PPFIA2: variants seen among roughly 807,000 people sequenced by gnomAD.
PPFIA2 encodes the protein liprin-alpha-2.
In PPFIA2, 46 loss-of-function variants were observed where a neutral mutation model predicts 175.5. That is an observed-to-expected ratio of 0.26 (90% CI 0.21 to 0.34). PPFIA2 has a LOEUF of 0.34. Among genes scored for constraint, PPFIA2 ranks in the 10% least tolerant of loss-of-function variants. The pLI, the probability that PPFIA2 is intolerant of heterozygous loss-of-function variation, is 1.00. For missense variants in PPFIA2, 1,179 were observed against 1,506.1 expected (o/e 0.78, Z 3.60); for synonymous variants, 568 against 511.4 (o/e 1.11, Z -1.49).
At chr12:81,708,330 C>T (rs186163508) in intron 3 of PPFIA2, among the ~76,000 whole-genome samples, 12 of 152,082 alleles carry the variant, frequency 7.9e-5, no homozygotes, top group Admixed American at 7.9e-4. Context: ...AAAATGGCTT[C>T]AGATGTTCAG....
chr12:81,437,418 A>G (rs2049277549), intron 7 of PPFIA2, among the ~76,000 whole-genome samples: 2 of 152,124 alleles, frequency 1.3e-5, no homozygotes, highest in South Asian at 4.1e-4. Flanking sequence ...TTTAATAGAG[A>G]CAGGGTTTCA....
At chr12:81,530,071 T>C (rs2064300572) in intron 4 of PPFIA2, among the ~76,000 whole-genome samples, 1 of 152,012 alleles carries the variant, frequency 6.6e-6, no homozygotes, top group Non-Finnish European at 1.5e-5. Flanking sequence ...ATGAAAATTA[T>C]ATCAAATTCA....
rs568996188 is a variant in PPFIA2 at position 81,405,853 on chromosome 12, T to C, written c.696A>G (p.Ser232=). The C allele has an allele frequency of 9.5e-6, 15 of 1,580,630 alleles. No individual in the cohort carries two copies. In the South Asian group the frequency reaches 1.6e-4, roughly 17 times the overall value. The change falls in exon 8 of 33, where the codon TCA becomes TCG. Residue 232 remains serine, a synonymous_variant. Transcript: ENST00000549396. ...GTTCTGACTCTGTGGATCCCTCGCT[T>C]GATGCCATTTTTCTTTGTATATGAA... ...QNVHIQRKMA[S]SEGSTESEHL... is the part of the protein sequence containing the mutation.
intron 4 of PPFIA2, among the ~76,000 whole-genome samples, chr12:81,674,059 A>T (rs1567814784): frequency 1.3e-5 from 2 of 152,036 alleles, no homozygotes; most frequent in African/African-American, 4.8e-5. Context: ...AACCTTCTAT[A>T]TATGCCTTAC....
At chr12:81,718,699 A>G (rs1044619681) in intron 3 of PPFIA2, among the ~76,000 whole-genome samples, 9 of 151,658 alleles carry the variant, frequency 5.9e-5, no homozygotes, top group African/African-American at 1.9e-4. Flanking sequence ...ATACATTTGA[A>G]GAAAATGCTG....
intron 4 of PPFIA2, among the ~76,000 whole-genome samples, chr12:81,599,709 G>A (rs2059603749): frequency 6.6e-6 from 1 of 151,848 alleles, no homozygotes; most frequent in African/African-American, 2.4e-5. Flanking sequence ...TGTGCTCTTT[G>A]TATTTTAGGT....
intron 22 of PPFIA2, among the ~76,000 whole-genome samples, chr12:81,308,813 C>G (rs1198677636): frequency 6.6e-6 from 1 of 152,058 alleles, no homozygotes; most frequent in Non-Finnish European, 1.5e-5. Context: ...GAAAAGTTAG[C>G]CTAGTTTAAA....
chr12:81,369,911 T>C (rs2034622973), intron 11 of PPFIA2, among the ~76,000 whole-genome samples: 2 of 151,712 alleles, frequency 1.3e-5, no homozygotes, highest in South Asian at 4.1e-4. Flanking sequence ...TAAAAAACAA[T>C]AATATACTAA....
chr12:81,691,155 G>C (rs1342276771), intron 3 of PPFIA2, among the ~76,000 whole-genome samples: 1 of 152,092 alleles, frequency 6.6e-6, no homozygotes, highest in Non-Finnish European at 1.5e-5. Context: ...GTTAGAACAG[G>C]CTTGGCCTGA....
chr12:81,362,857 AT>A (rs917576171), intron 14 of PPFIA2, 73 bp from the exon 15 acceptor site: 85 of 910,538 alleles, frequency 9.3e-5, no homozygotes, highest in Non-Finnish European at 1.0e-4. Flanking sequence ...AGTCTTAATG[AT>A]TTTTTTTAAA....
intron 8 of PPFIA2, among the ~76,000 whole-genome samples, chr12:81,393,877 C>A (rs1450259351): frequency 1.3e-5 from 2 of 151,996 alleles, no homozygotes; most frequent in Admixed American, 6.6e-5. Context: ...AAAATTCTTC[C>A]TGAAGAATCA....
chr12:81,260,920 A>T (rs982418900), intron 32 of PPFIA2: 3 of 152,230 alleles, frequency 2.0e-5, no homozygotes, highest in Non-Finnish European at 2.9e-5. Context: ...TGAACATTTG[A>T]CATTTATAAA....
chr12:81,528,380 C>T (rs1253817037), intron 4 of PPFIA2, among the ~76,000 whole-genome samples: 2 of 152,024 alleles, frequency 1.3e-5, no homozygotes, highest in African/African-American at 4.8e-5. Context: ...TGTCAGCTTT[C>T]TACTGAAGAA....
chr12:81,411,430 A>T (rs1270355056), intron 7 of PPFIA2, among the ~76,000 whole-genome samples: 1 of 151,942 alleles, frequency 6.6e-6, no homozygotes, highest in Non-Finnish European at 1.5e-5. Flanking sequence ...GGCACTCTCA[A>T]ACACGTTATA....
chr12:81,516,674 T>C (rs959493412), intron 4 of PPFIA2, among the ~76,000 whole-genome samples: 1 of 152,300 alleles, frequency 6.6e-6, no homozygotes, highest in Admixed American at 6.5e-5. Flanking sequence ...TGGACCAGAT[T>C]CTTGCAAAGA....
intron 8 of PPFIA2, among the ~76,000 whole-genome samples, chr12:81,404,692 G>A (rs1031154715): frequency 3.3e-5 from 5 of 152,156 alleles, no homozygotes; most frequent in Admixed American, 3.3e-4. Context: ...TCAGCCACCA[G>A]AATTGAAGCT....
At chr12:81,587,278 T>G (rs1447755565) in intron 4 of PPFIA2, among the ~76,000 whole-genome samples, 1 of 151,918 alleles carries the variant, frequency 6.6e-6, no homozygotes, top group African/African-American at 2.4e-5. Context: ...ATCCTGGTCT[T>G]GTGATAGTGA....
intron 7 of PPFIA2, among the ~76,000 whole-genome samples, chr12:81,423,173 G>A (rs984184525): frequency 6.6e-6 from 1 of 152,062 alleles, no homozygotes; most frequent in African/African-American, 2.4e-5. Flanking sequence ...CTTCACAGAT[G>A]AATTCTACCA....
chr12:81,628,724 G>T (rs902735965), intron 4 of PPFIA2, among the ~76,000 whole-genome samples: 10 of 152,168 alleles, frequency 6.6e-5, no homozygotes, highest in Non-Finnish European at 1.5e-4. Flanking sequence ...AGCAAGAACT[G>T]ATTAGCAATC....
Sources: gnomAD v4.1 joint callset for allele counts (sites outside exome capture counted in the v4.1 genomes callset) on GRCh38, gnomAD v4.1.1 for gene constraint, MANE v1.5 for transcripts, NCBI Gene and HGNC (gene_info 2026-07-23, HGNC 2026-07-21) for gene names.